Variants in JAKMIP3 observed in about 807,000 individuals in gnomAD.
JAKMIP3 encodes the protein janus kinase and microtubule-interacting protein 3.
In JAKMIP3, 58 loss-of-function variants were observed where a neutral mutation model predicts 118.5. That is an observed-to-expected ratio of 0.49 (90% CI 0.40 to 0.61). The LOEUF is 0.61. Ranked by LOEUF, JAKMIP3 falls within the 20% of genes least tolerant of loss-of-function variation. The probability of loss-of-function intolerance (pLI) is 0.00; values close to 1 mark genes in which losing one functional copy is unlikely to be tolerated. For synonymous variants in JAKMIP3, 486 were observed against 451.2 expected, an observed-to-expected ratio of 1.08 and a Z score of -0.98; for missense variants, 950 against 1,109.0, an observed-to-expected ratio of 0.86 and a Z score of 2.04.
chr10:132,180,748 C>CGCGCGCGTGT lies in JAKMIP3; in HGVS notation c.*1104-1604_*1104-1603insCGTGTGCGCG, dbSNP rs1554963414. On this transcript the variant is annotated intron_variant, in intron 23 of 23. Transcript: ENST00000684848. ...GTGTGTGCGTGTGTGCGTGCGTGCG[C>CGCGCGCGTGT]GCGCGTGTGTGCGTGTGTGTGCGTG... is the stretch of plus-strand genomic sequence containing the variant. 3.6e-4 allele frequency among the ~76,000 whole-genome samples: 3 copies of CGCGCGCGTGT among 8,328 alleles called. 1 individual carries two copies. The highest frequency in any genetic ancestry group is 5.8e-4 in the Non-Finnish European group (3 of 5,152). The allele number at this position is 8,328 out of a possible 152,430, so 5.5% of individuals were successfully genotyped here. A position where few individuals can be genotyped will look rare whatever the true frequency, so the allele number is the denominator to read the frequency against.
chr10:132,063,572 G>T (rs1157348754), upstream of JAKMIP3, among the ~76,000 whole-genome samples: 2 of 152,234 alleles, frequency 1.3e-5, no homozygotes, highest in Admixed American at 1.3e-4. Context: ...AACGCCGGGT[G>T]TCAGCCCGGC....
chr10:132,142,908 G>T (rs1255146756), intron 11 of JAKMIP3, among the ~76,000 whole-genome samples: 1 of 152,048 alleles, frequency 6.6e-6, no homozygotes, highest in South Asian at 2.1e-4. Flanking sequence ...ACTTAGGGTG[G>T]CTGAGCTGGG....
intron 1 of JAKMIP3, among the ~76,000 whole-genome samples, chr10:132,098,760 T>C (rs1472375028): frequency 6.6e-6 from 1 of 152,170 alleles, no homozygotes; most frequent in African/African-American, 2.4e-5. Flanking sequence ...CCAGGGGCAT[T>C]TGCAGTGAGG....
chr10:132,127,264 C>T (rs1430252574), intron 3 of JAKMIP3, among the ~76,000 whole-genome samples: 1 of 149,450 alleles, frequency 6.7e-6, no homozygotes, highest in African/African-American at 2.5e-5. Context: ...CACTCTGTTG[C>T]CCAGGCTAGA....
Position 132,152,195 on chromosome 10 carries a change from C to T in JAKMIP3, c.2008-763C>T, listed in dbSNP as rs552195819. Among the ~76,000 whole-genome samples the T allele has an allele frequency of 5.3e-5, 8 of 152,332 alleles. No individual in the cohort carries two copies. In the South Asian group the frequency reaches 1.7e-3, roughly 32 times the overall value. ...ACTACAGACTGAGCCTGACTCCCCC[C>T]TGTGGGAGACCCTGTGCAGACTTTG... On this transcript the variant is annotated intron_variant, in intron 16 of 23. Coordinates refer to ENST00000684848, the MANE Select transcript of JAKMIP3 (RefSeq NM_001323087.2).
In JAKMIP3 at chr10:132,180,770, C is replaced by CGTGT. The variant is rs1272261097; in HGVS notation, c.*1104-1577_*1104-1574dup. Among the ~76,000 whole-genome samples the CGTGT allele has an allele frequency of 7.7e-5, 4 of 52,202 alleles. 1 individual carries two copies. Among genetic ancestry groups the CGTGT allele is most frequent in the Admixed American group, 1.8e-4 (1 of 5,712 alleles). The allele number at this position is 52,202 out of a possible 152,430, so 34.2% of individuals were successfully genotyped here. A position where few individuals can be genotyped will look rare whatever the true frequency, so the allele number is the denominator to read the frequency against. Reference sequence around the variant, plus strand: ...GCGCGCGCGTGTGTGCGTGTGTGTGCGTGTGTGTGTGTGCGCGTATGCATG... The same window carrying CGTGT: ...GCGCGCGCGTGTGTGCGTGTGTGTGCGTGTGTGTGTGTGTGTGCGCGTATGCATG... On this transcript the variant is annotated intron_variant, in intron 23 of 23. Coordinates refer to ENST00000684848, the MANE Select transcript of JAKMIP3 (RefSeq NM_001323087.2).
At chr10:132,154,280 C>T (rs2056720079) in intron 19 of JAKMIP3, among the ~76,000 whole-genome samples, 1 of 152,210 alleles carries the variant, frequency 6.6e-6, no homozygotes, top group Non-Finnish European at 1.5e-5. Flanking sequence ...CAGAAACATG[C>T]CCGGATTCCT....
chr10:132,140,375 A>G (rs2053244889), intron 9 of JAKMIP3, 76 bp from the exon 10 acceptor site: 7 of 1,580,414 alleles, frequency 4.4e-6, no homozygotes, highest in Non-Finnish European at 6.0e-6. Flanking sequence ...ACCGTTGGGC[A>G]GCGGGAGGAG....
At chr10:132,075,139 A>C (rs1166032550) in intron 1 of JAKMIP3, among the ~76,000 whole-genome samples, 1 of 152,126 alleles carries the variant, frequency 6.6e-6, no homozygotes, top group Non-Finnish European at 1.5e-5. Flanking sequence ...CTTTTTCCTT[A>C]GGATTCTCTT....
intron 3 of JAKMIP3, among the ~76,000 whole-genome samples, chr10:132,126,184 C>G (rs2049502801): frequency 6.6e-6 from 1 of 152,196 alleles, no homozygotes; most frequent in East Asian, 1.9e-4. Context: ...GTGACCACCT[C>G]CTGTCCTAAT....
chr10:132,063,248 A>C (rs184648693), upstream of JAKMIP3, among the ~76,000 whole-genome samples: 6 of 152,268 alleles, frequency 3.9e-5, no homozygotes, highest in East Asian at 1.2e-3. Flanking sequence ...ATAGAGACCC[A>C]CTGGAGGTCG....
intron 1 of JAKMIP3, among the ~76,000 whole-genome samples, chr10:132,100,292 C>T (rs1387171011): frequency 1.3e-5 from 2 of 152,190 alleles, no homozygotes; most frequent in Admixed American, 6.5e-5. Context: ...GAGTGTGCCA[C>T]GTGGGGCCGA....
intron 3 of JAKMIP3, among the ~76,000 whole-genome samples, chr10:132,126,023 C>G (rs2049475644): frequency 6.6e-6 from 1 of 152,160 alleles, no homozygotes; most frequent in Non-Finnish European, 1.5e-5. Flanking sequence ...GCCTCACGTC[C>G]CAAAGTGCTG....
chr10:132,180,736 TGCGTGCGTGCGC>T lies in JAKMIP3; in HGVS notation c.*1104-1617_*1104-1606del, dbSNP rs1478185039. On this transcript the variant is annotated intron_variant, in intron 23 of 23. Coordinates refer to ENST00000684848, the MANE Select transcript of JAKMIP3 (RefSeq NM_001323087.2). ...GTGTGTGTGCGTGTGTGTGCGTGTG[TGCGTGCGTGCGC>T]GCGCGTGTGTGCGTGTGTGTGCGTG... 3.0e-3 allele frequency among the ~76,000 whole-genome samples: 34 copies of T among 11,318 alleles called. 5 individuals are homozygous for T. Among genetic ancestry groups the T allele is most frequent in the Admixed American group, 0.013 (13 of 1,034 alleles). 7.4% of individuals were successfully genotyped at this position (11,318 alleles called of 152,430 possible).
At chr10:132,061,852 G>A (rs2038407579), upstream of JAKMIP3, among the ~76,000 whole-genome samples, 1 of 152,210 alleles carries the variant, frequency 6.6e-6, no homozygotes, top group African/African-American at 2.4e-5. Context: ...TGGGTAAAAT[G>A]GTTCAATTGA....
At chr10:132,107,210 A>C (rs1405488926) in intron 2 of JAKMIP3, among the ~76,000 whole-genome samples, 2 of 152,134 alleles carry the variant, frequency 1.3e-5, no homozygotes, top group African/African-American at 4.8e-5. Context: ...TTATCTTCTT[A>C]ACAAAAACAC....
intron 1 of JAKMIP3, among the ~76,000 whole-genome samples, chr10:132,099,174 G>A (rs2044433708): frequency 2.0e-5 from 3 of 152,272 alleles, no homozygotes; most frequent in African/African-American, 7.2e-5. Flanking sequence ...GCTCAACACT[G>A]AGTAAACAGC....
At chr10:132,135,705 C>T (rs768223371) in intron 5 of JAKMIP3, among the ~76,000 whole-genome samples, 5 of 152,258 alleles carry the variant, frequency 3.3e-5, no homozygotes, top group South Asian at 4.1e-4. Context: ...ACCGGGCGAG[C>T]GGGTTCACCT....
At chr10:132,108,862 G>GTATATAAATTATATACACAAATGTA (rs1224486016) in intron 2 of JAKMIP3, among the ~76,000 whole-genome samples, 2 of 99,824 alleles carry the variant, frequency 2.0e-5, no homozygotes, top group East Asian at 2.9e-4. Context: ...TTATATATAT[G>GTATATAAATTATATACACAAATGTA]TATATAAATT....
Sources: gnomAD v4.1 joint callset for allele counts (sites outside exome capture counted in the v4.1 genomes callset) on GRCh38, gnomAD v4.1.1 for gene constraint, MANE v1.5 for transcripts, NCBI Gene and HGNC (gene_info 2026-07-23, HGNC 2026-07-21) for gene names.